Variants in TUNAR observed in about 807,000 individuals in gnomAD.
TUNAR encodes the protein protein TUNAR.
intron 2 of TUNAR, among the ~76,000 whole-genome samples, chr14:95,882,278 C>T (rs904389377): frequency 6.6e-6 from 1 of 152,012 alleles, no homozygotes; most frequent in Non-Finnish European, 1.5e-5. Context: ...TGTGTAGTTA[C>T]TAAAAAGTAG....
intron 2 of TUNAR, among the ~76,000 whole-genome samples, chr14:95,903,375 G>A (rs536044084): frequency 6.6e-6 from 1 of 152,160 alleles, no homozygotes; most frequent in African/African-American, 2.4e-5. Context: ...CAGTCACTCA[G>A]CAAGCAGAAA....
chr14:95,886,440 AAGAG>A (rs1176222596), intron 2 of TUNAR, among the ~76,000 whole-genome samples: 2 of 152,154 alleles, frequency 1.3e-5, no homozygotes, highest in Non-Finnish European at 2.9e-5. Flanking sequence ...ATTGCTAAGG[AAGAG>A]AGAGAGACAG....
intron 2 of TUNAR, among the ~76,000 whole-genome samples, chr14:95,912,526 G>A (rs527249052): frequency 6.6e-6 from 1 of 152,134 alleles, no homozygotes; most frequent in African/African-American, 2.4e-5. Flanking sequence ...TTTTAACATT[G>A]TTTGGTTAAA....
At chr14:95,920,252 G>A (rs775887082) in intron 2 of TUNAR, among the ~76,000 whole-genome samples, 15 of 152,096 alleles carry the variant, frequency 9.9e-5, no homozygotes, top group Non-Finnish European at 2.1e-4. Context: ...TGGTTTTCAG[G>A]AGGTAGGGAT....
At chr14:95,899,043 C>T (rs1397051849) in intron 2 of TUNAR, among the ~76,000 whole-genome samples, 1 of 152,194 alleles carries the variant, frequency 6.6e-6, no homozygotes, top group Non-Finnish European at 1.5e-5. Flanking sequence ...TTCCCTTCCC[C>T]CCAAAACTTG....
At chr14:95,909,376 C>T (rs138498003) in intron 2 of TUNAR, among the ~76,000 whole-genome samples, 150 of 151,534 alleles carry the variant, frequency 9.9e-4, no homozygotes, top group Middle Eastern at 3.4e-3. Flanking sequence ...CTCCTCCTCC[C>T]GGGTTCAAGC....
intron 2 of TUNAR, among the ~76,000 whole-genome samples, chr14:95,913,745 T>G (rs1382795779): frequency 6.6e-6 from 1 of 152,164 alleles, no homozygotes; most frequent in East Asian, 1.9e-4. Context: ...CTGGACTTTT[T>G]TTTTTTGAGA....
At chr14:95,884,391 G>A (rs1889035466) in intron 2 of TUNAR, among the ~76,000 whole-genome samples, 1 of 152,164 alleles carries the variant, frequency 6.6e-6, no homozygotes, top group Non-Finnish European at 1.5e-5. Context: ...ACAGGACCTG[G>A]GGACTGGCAA....
intron 2 of TUNAR, among the ~76,000 whole-genome samples, chr14:95,908,632 T>C (rs1566790378): frequency 6.6e-6 from 1 of 152,226 alleles, no homozygotes; most frequent in Non-Finnish European, 1.5e-5. Context: ...AGATTTTCCC[T>C]TGGTCACAGA....
chr14:95,921,859 C>T (rs1360167513), intron 2 of TUNAR, among the ~76,000 whole-genome samples: 4 of 152,244 alleles, frequency 2.6e-5, no homozygotes, highest in Non-Finnish European at 5.9e-5. Flanking sequence ...GCCATGTGCT[C>T]TTTCCCTCCG....
intron 2 of TUNAR, among the ~76,000 whole-genome samples, chr14:95,918,758 C>G (rs936066242): frequency 6.6e-6 from 1 of 152,188 alleles, no homozygotes; most frequent in African/African-American, 2.4e-5. Flanking sequence ...AACCAAGCAG[C>G]CTCCATGACA....
chr14:95,882,371 A>G (rs539248779), intron 2 of TUNAR, among the ~76,000 whole-genome samples: 1 of 152,248 alleles, frequency 6.6e-6, no homozygotes. Context: ...ATACGTGATT[A>G]CTGCGAACAC....
intron 2 of TUNAR, among the ~76,000 whole-genome samples, chr14:95,911,297 C>A (rs1889508979): frequency 6.6e-6 from 1 of 152,212 alleles, no homozygotes. Flanking sequence ...CTGAGATGGT[C>A]CTACTGGCCT....
At chr14:95,910,762 A>C (rs901691529) in intron 2 of TUNAR, among the ~76,000 whole-genome samples, 1 of 152,128 alleles carries the variant, frequency 6.6e-6, no homozygotes, top group South Asian at 2.1e-4. Flanking sequence ...GCATGTGTGG[A>C]GGAGCTTGTC....
chr14:95,917,713 C>T (rs1889628801), intron 2 of TUNAR, among the ~76,000 whole-genome samples: 1 of 152,208 alleles, frequency 6.6e-6, no homozygotes, highest in Non-Finnish European at 1.5e-5. Flanking sequence ...CAAAATTTCA[C>T]ACATCTTTAT....
At chr14:95,909,534 C>T (rs539371971) in intron 2 of TUNAR, among the ~76,000 whole-genome samples, 1 of 152,310 alleles carries the variant, frequency 6.6e-6, no homozygotes, top group South Asian at 2.1e-4. Context: ...CCACCCGCCT[C>T]AGCCCCGCAA....
At chr14:95,921,879 T>C (rs184961494) in intron 2 of TUNAR, among the ~76,000 whole-genome samples, 4 of 152,376 alleles carry the variant, frequency 2.6e-5, no homozygotes, top group African/African-American at 9.6e-5. Flanking sequence ...GCTAAGTGTC[T>C]GGGCTTTGTT....
At chr14:95,879,693 T>G (rs1002142879) in intron 2 of TUNAR, among the ~76,000 whole-genome samples, 4 of 148,712 alleles carry the variant, frequency 2.7e-5, no homozygotes, top group Admixed American at 6.9e-5. Context: ...CAGTTTTTCT[T>G]TGTCTTAAAT....
intron 1 of TUNAR, 27 bp from the exon 1 acceptor site, chr14:95,876,805 C>G (rs1888888117): frequency 6.6e-6 from 1 of 152,190 alleles, no homozygotes; most frequent in Admixed American, 6.5e-5. Flanking sequence ...CGGGGTGCAG[C>G]TCTGCGCGTT....
Sources: allele counts gnomAD v4.1 joint callset (sites outside exome capture counted in the v4.1 genomes callset), GRCh38; gene constraint gnomAD v4.1.1; transcripts MANE v1.5; gene names NCBI Gene and HGNC (gene_info 2026-07-23, HGNC 2026-07-21).